TSPAN16: variants seen among roughly 807,000 people sequenced by gnomAD.
TSPAN16 encodes tetraspanin-16.
In TSPAN16, 23 loss-of-function variants were observed where a neutral mutation model predicts 25.2. The ratio of observed to expected loss-of-function variants is 0.91; its 90% CI spans 0.66 to 1.29. The LOEUF (loss-of-function observed/expected upper bound fraction) is 1.29, where lower values mean the gene tolerates loss of function less well. TSPAN16 is among the 50% of genes most tolerant of loss of function. The probability of loss-of-function intolerance (pLI) is 0.00; values close to 1 mark genes in which losing one functional copy is unlikely to be tolerated. For synonymous variants in TSPAN16, 123 were observed against 124.4 expected (o/e 0.99, Z 0.08); for missense variants, 272 against 299.9 (o/e 0.91, Z 0.69).
chr19:11,310,059 C>T (rs979278839), intron 5 of TSPAN16, among the ~76,000 whole-genome samples: 4 of 151,126 alleles, frequency 2.6e-5, no homozygotes, highest in Admixed American at 6.6e-5. Context: ...GAGCTATGGT[C>T]ATGCCACTGC....
At chr19:11,323,805 G>A (rs2080795232) in intron 6 of TSPAN16, 1 of 152,196 alleles carries the variant, frequency 6.6e-6, no homozygotes, top group Non-Finnish European at 1.5e-5. Context: ...AACAGAGTCA[G>A]GGACGTGGGA....
At chr19:11,307,694 C>T (rs891686167) in intron 5 of TSPAN16, among the ~76,000 whole-genome samples, 1 of 152,136 alleles carries the variant, frequency 6.6e-6, no homozygotes, top group African/African-American at 2.4e-5. Flanking sequence ...TCTCAAAATG[C>T]TGGGATTACA....
intron 3 of TSPAN16, 122 bp from the exon 4 acceptor site, chr19:11,301,079 A>G (rs1335628439): frequency 1.9e-5 from 14 of 727,786 alleles, no homozygotes; most frequent in Non-Finnish European, 3.4e-5. Flanking sequence ...AGCTGAGGGT[A>G]GGAAAAATGA....
chr19:11,306,684 G>A lies in TSPAN16; in HGVS notation c.531G>A (p.Arg177=). The change falls in exon 5 of 7, where the codon AGG becomes AGA. Residue 177 remains arginine, a synonymous_variant. Transcript: ENST00000590327. ...FEMTTGHTYP[R]SCCKSIGSVS... ...TGACAACGGGCCACACCTACCCCAG[G>A]AGTTGCTGTAAATCCATCGGAAGTG... The A allele has an allele frequency of 6.2e-7, 1 of 1,614,066 alleles. No homozygotes were observed. The highest frequency in any genetic ancestry group is 8.5e-7 in the Non-Finnish European group (1 of 1,180,036).
intron 3 of TSPAN16, 41 bp from the exon 4 acceptor site, chr19:11,301,160 T>C (rs771884618): frequency 5.8e-6 from 9 of 1,558,442 alleles, no homozygotes; most frequent in East Asian, 4.5e-5. Flanking sequence ...GGGCCACTCT[T>C]GCTAGTTGGG....
chr19:11,311,227 C>G (rs1195827445), intron 5 of TSPAN16, among the ~76,000 whole-genome samples: 1 of 152,186 alleles, frequency 6.6e-6, no homozygotes, highest in Non-Finnish European at 1.5e-5. Flanking sequence ...CCTCCGATTC[C>G]CTGGTTCAAG....
At chr19:11,297,531 C>G (rs2080492165) in intron 1 of TSPAN16, among the ~76,000 whole-genome samples, 1 of 134,108 alleles carries the variant, frequency 7.5e-6, no homozygotes, top group Non-Finnish European at 1.5e-5. Context: ...GAGTCTTGCT[C>G]TGTCACCCAG....
At position 11,296,259 on chromosome 19, in the gene TSPAN16, T is replaced by C; in HGVS notation, c.-39T>C. Reference sequence around the variant, plus strand: ...ACAGTAGCCCAGAGGTTCAGGAAGATGTTAACTTAAATGTTCAGGGTGCCC... The same window carrying C: ...ACAGTAGCCCAGAGGTTCAGGAAGACGTTAACTTAAATGTTCAGGGTGCCC... On this transcript the variant is annotated 5_prime_UTR_variant, in exon 1 of 7. It removes an upstream start codon present in the reference 5' UTR. Coordinates refer to ENST00000590327, the MANE Select transcript of TSPAN16 (RefSeq NM_001282509.2). 1 of 1,601,702 alleles carries C rather than the reference T, an allele frequency of 6.2e-7. No homozygotes were observed.
At chr19:11,326,960 T>C in exon 7 of TSPAN16, 1 of 492,168 alleles carries the variant, frequency 2.0e-6, no homozygotes, top group South Asian at 3.1e-5. Context: ...GAGCTGTCCC[T>C]GAATCTCCAT....
chr19:11,305,599 G>A (rs1032244327), intron 4 of TSPAN16, among the ~76,000 whole-genome samples: 2 of 152,062 alleles, frequency 1.3e-5, no homozygotes, highest in Admixed American at 6.6e-5. Flanking sequence ...AGGTGCAGTG[G>A]CTCACATCTG....
intron 3 of TSPAN16, chr19:11,300,808 T>G (rs1319572773): frequency 1.2e-5 from 2 of 160,736 alleles, no homozygotes; most frequent in African/African-American, 4.8e-5. Flanking sequence ...TAAACCTTTA[T>G]TTAAAAAACA....
At chr19:11,313,665 CATTA>C (rs138932797) in intron 6 of TSPAN16, among the ~76,000 whole-genome samples, 5,472 of 152,136 alleles carry the variant, frequency 0.036, 331 homozygotes, top group African/African-American at 0.12. Context: ...TACCACCCAT[CATTA>C]ATTAGGGAAA....
chr19:11,308,842 C>T (rs547784035), intron 5 of TSPAN16, among the ~76,000 whole-genome samples: 8 of 152,160 alleles, frequency 5.3e-5, no homozygotes, highest in African/African-American at 1.7e-4. Flanking sequence ...CTCCTGACCT[C>T]AGGTGATCCT....
intron 5 of TSPAN16, among the ~76,000 whole-genome samples, chr19:11,308,575 A>G (rs1568291781): frequency 6.6e-6 from 1 of 150,968 alleles, no homozygotes; most frequent in Admixed American, 6.6e-5. Context: ...GGTTCATGCC[A>G]TTCTCCTGCC....
chr19:11,306,424 A>G, intron 4 of TSPAN16, 180 bp from the exon 5 acceptor site: 1 of 717,202 alleles, frequency 1.4e-6, no homozygotes, highest in South Asian at 2.2e-5. Context: ...TTCAGCTTTT[A>G]CCCTGAGTGA....
intron 6 of TSPAN16, among the ~76,000 whole-genome samples, chr19:11,312,657 T>C (rs573042249): frequency 4.0e-5 from 6 of 151,776 alleles, no homozygotes; most frequent in African/African-American, 1.5e-4. Context: ...CCCAGCTACT[T>C]GGGGGGCTGA....
downstream of TSPAN16, among the ~76,000 whole-genome samples, chr19:11,319,258 AC>A (rs1394197299): frequency 6.6e-6 from 1 of 152,206 alleles, no homozygotes; most frequent in Non-Finnish European, 1.5e-5. Context: ...AGAATGACTC[AC>A]GGATCTCAGG....
downstream of TSPAN16, among the ~76,000 whole-genome samples, chr19:11,319,088 C>T (rs1206101640): frequency 1.3e-5 from 2 of 152,196 alleles, no homozygotes; most frequent in African/African-American, 4.8e-5. Flanking sequence ...TGGTGTGTGA[C>T]CCCACAGATT....
chr19:11,301,376 A>C lies in TSPAN16; in HGVS notation c.450+68A>C, dbSNP rs770826872. The stretch of plus-strand genomic sequence containing the variant: ...ACAACATGGGCGGGCGAAGTGGCTC[A>C]CACCTGTAATCCCAGCACTTTGGGA... On this transcript the variant is annotated intron_variant, in intron 4 of 6. Coordinates refer to ENST00000590327, the MANE Select transcript of TSPAN16 (RefSeq NM_001282509.2). 1.0e-4 allele frequency: 127 copies of C among 1,235,740 alleles called. 1 individual carries two copies. The highest frequency in any genetic ancestry group is 1.5e-4 in the Non-Finnish European group (123 of 847,376). The allele number at this position is 1,235,740 out of a possible 1,614,324, so 76.5% of individuals were successfully genotyped here.
Sources: gnomAD v4.1 joint callset for allele counts (sites outside exome capture counted in the v4.1 genomes callset) on GRCh38, gnomAD v4.1.1 for gene constraint, MANE v1.5 for transcripts, NCBI Gene and HGNC (gene_info 2026-07-23, HGNC 2026-07-21) for gene names.